PPP2R2B: variants seen among roughly 807,000 people sequenced by gnomAD.
PPP2R2B encodes serine/threonine-protein phosphatase 2A 55 kDa regulatory subunit B beta isoform.
In PPP2R2B, 5 loss-of-function variants were observed where a neutral mutation model predicts 46.0. The observed-to-expected ratio is 0.11, with a 90% CI of 0.06 to 0.23. The LOEUF (loss-of-function observed/expected upper bound fraction) is 0.23, where lower values mean the gene tolerates loss of function less well. PPP2R2B is among the 10% of genes least tolerant of loss of function. The pLI is 1.00. For synonymous variants in PPP2R2B, 215 were observed against 206.7 expected, an observed-to-expected ratio of 1.04 and a Z score of -0.34; for missense variants, 367 against 575.0, an observed-to-expected ratio of 0.64 and a Z score of 3.70.
At chr5:147,035,775 A>G (rs1756007939) in intron 1 of PPP2R2B, among the ~76,000 whole-genome samples, 1 of 141,208 alleles carries the variant, frequency 7.1e-6, no homozygotes, top group African/African-American at 2.6e-5. Flanking sequence ...ATATAACTGC[A>G]AATGTTTTAA....
chr5:147,074,830 A>G lies in PPP2R2B; in HGVS notation c.50+6229T>C, dbSNP rs149906180. ...TGTTTTTCTCTCATTAGAAAGCAGA[A>G]TCGATAGAGTACCTCATCCTTCCCT... On this transcript the variant is annotated intron_variant, in intron 2 of 10. Transcript: ENST00000394413. Among the ~76,000 whole-genome samples, 276 of 152,320 alleles carry G rather than the reference A, an allele frequency of 1.8e-3. 2 individuals are homozygous for G. Among genetic ancestry groups the G allele is most frequent in the African/African-American group, 6.3e-3 (260 of 41,576 alleles).
rs554664742 is a variant in PPP2R2B at position 146,652,455 on chromosome 5, T to C, written c.448-1731A>G. Among the ~76,000 whole-genome samples, 206 of 152,168 alleles carry C rather than the reference T, an allele frequency of 1.4e-3. 2 individuals carry two copies. Among genetic ancestry groups the C allele is most frequent in the African/African-American group, 4.7e-3 (193 of 41,500 alleles). Reference sequence around the variant, plus strand: ...ATATACCTGTTCTTGTCAGGGGAGATAGACATAATTAAAAGGGCTAGGTGC... The same window carrying C: ...ATATACCTGTTCTTGTCAGGGGAGACAGACATAATTAAAAGGGCTAGGTGC... On this transcript the variant is annotated intron_variant, in intron 5 of 9. Coordinates refer to ENST00000394411, the MANE Select transcript of PPP2R2B (RefSeq NM_181675.4).
intron 1 of PPP2R2B, among the ~76,000 whole-genome samples, chr5:146,997,968 A>T (rs1753997371): frequency 6.6e-6 from 1 of 152,192 alleles, no homozygotes; most frequent in Admixed American, 6.5e-5. Context: ...CTGAAACCCC[A>T]AAGGTAAAAC....
At chr5:147,012,319 G>T (rs1294794698) in intron 1 of PPP2R2B, among the ~76,000 whole-genome samples, 2 of 152,190 alleles carry the variant, frequency 1.3e-5, no homozygotes, top group African/African-American at 4.8e-5. Flanking sequence ...GAATGTATGT[G>T]TTGAGGAATT....
intron 1 of PPP2R2B, among the ~76,000 whole-genome samples, chr5:146,943,277 A>G (rs1257329427): frequency 6.6e-6 from 1 of 152,184 alleles, no homozygotes; most frequent in South Asian, 2.1e-4. Context: ...TGGGAAATTT[A>G]GTGTGTTTCC....
intron 2 of PPP2R2B, among the ~76,000 whole-genome samples, chr5:146,752,605 A>G (rs1753622867): frequency 6.6e-6 from 1 of 152,200 alleles, no homozygotes; most frequent in Admixed American, 6.5e-5. Flanking sequence ...AAGATCAGTA[A>G]AAGTTTGCTG....
intron 7 of PPP2R2B, among the ~76,000 whole-genome samples, chr5:146,637,787 C>T (rs1342509299): frequency 6.6e-6 from 1 of 152,096 alleles, no homozygotes; most frequent in Non-Finnish European, 1.5e-5. Context: ...TTCAGCAAGT[C>T]CTGTTAATTT....
At chr5:146,590,294 A>G in intron 9 of PPP2R2B, 68 bp from the exon 10 acceptor site, 1 of 1,495,088 alleles carries the variant, frequency 6.7e-7, no homozygotes, top group Non-Finnish European at 9.1e-7. Context: ...AAATGATACC[A>G]TGTTATGGCC....
intron 1 of PPP2R2B, among the ~76,000 whole-genome samples, chr5:146,927,957 G>A (rs1312093626): frequency 2.0e-5 from 3 of 152,006 alleles, no homozygotes; most frequent in African/African-American, 7.3e-5. Context: ...GGCCAGGCTG[G>A]TCTCCAACTC....
intron 7 of PPP2R2B, among the ~76,000 whole-genome samples, chr5:146,619,072 T>C (rs1401237980): frequency 1.3e-5 from 2 of 152,100 alleles, no homozygotes; most frequent in Non-Finnish European, 2.9e-5. Context: ...TCTGCTGAAA[T>C]GCTCCATTGA....
chr5:146,664,898 A>C (rs1196953551), intron 5 of PPP2R2B, among the ~76,000 whole-genome samples: 1 of 152,178 alleles, frequency 6.6e-6, no homozygotes, highest in Non-Finnish European at 1.5e-5. Context: ...CTCTTGGGTG[A>C]CTAGGTGCAT....
Position 147,031,954 on chromosome 5 carries a change from C to T in PPP2R2B, c.79+23711G>A, listed in dbSNP as rs1426314286. ...AAACTATAAAAATTCTAGAAGATAA[C>T]ATTGGAAAGAACCCTCTAGACATTG... is the stretch of plus-strand genomic sequence containing the variant. On this transcript the variant is annotated intron_variant, in intron 1 of 8. Transcript: ENST00000336640. Among the ~76,000 whole-genome samples, 4 of 152,236 alleles carry T rather than the reference C, an allele frequency of 2.6e-5. No homozygotes were observed. The East Asian group carries it at 7.7e-4, about 29-fold the overall frequency.
At chr5:146,638,199 G>A in intron 7 of PPP2R2B, 52 bp downstream of exon 7, 2 of 1,570,622 alleles carry the variant, frequency 1.3e-6, no homozygotes, top group Non-Finnish European at 1.7e-6. Context: ...CTCTCCCCCA[G>A]CACATTGGGG....
At chr5:146,618,776 T>C (rs540914426) in intron 7 of PPP2R2B, among the ~76,000 whole-genome samples, 1 of 152,096 alleles carries the variant, frequency 6.6e-6, no homozygotes, top group African/African-American at 2.4e-5. Flanking sequence ...GCTGGTGCTG[T>C]ACACCCATAA....
At chr5:146,666,359 GTAT>G (rs1776980933) in intron 5 of PPP2R2B, among the ~76,000 whole-genome samples, 1 of 152,184 alleles carries the variant, frequency 6.6e-6, no homozygotes, top group Admixed American at 6.5e-5. Context: ...CGTAAATATA[GTAT>G]TATTTGACTG....
chr5:146,963,168 ACT>A (rs910952572), intron 1 of PPP2R2B, among the ~76,000 whole-genome samples: 1 of 151,926 alleles, frequency 6.6e-6, no homozygotes, highest in Non-Finnish European at 1.5e-5. Flanking sequence ...TCCTTATACA[ACT>A]CTCTGTGGTG....
At chr5:146,945,786 G>A (rs563390302) in intron 1 of PPP2R2B, among the ~76,000 whole-genome samples, 13 of 152,244 alleles carry the variant, frequency 8.5e-5, no homozygotes, top group Non-Finnish European at 1.8e-4. Flanking sequence ...ATTGTGTAAG[G>A]CAATTCGATT....
intron 2 of PPP2R2B, among the ~76,000 whole-genome samples, chr5:146,804,560 A>G (rs1449234382): frequency 1.3e-5 from 2 of 152,176 alleles, no homozygotes; most frequent in African/African-American, 2.4e-5. Context: ...TTGTCACTCA[A>G]TAAATATTCG....
intron 2 of PPP2R2B, among the ~76,000 whole-genome samples, chr5:146,876,068 G>C (rs1006701561): frequency 3.9e-5 from 6 of 152,130 alleles, no homozygotes; most frequent in African/African-American, 1.2e-4. Context: ...TGAAATAAAG[G>C]TTTGTTAGTT....
Sources: gnomAD v4.1 joint callset for allele counts (sites outside exome capture counted in the v4.1 genomes callset) on GRCh38, gnomAD v4.1.1 for gene constraint, MANE v1.5 for transcripts, NCBI Gene and HGNC (gene_info 2026-07-23, HGNC 2026-07-21) for gene names.